The following DRC8 variants were observed in gnomAD, a reference collection of about 807,000 sequenced individuals.
DRC8 encodes dynein regulatory complex protein 8.
At chr1:244,976,210 A>G in the DRC8 span, among the ~76,000 whole-genome samples, 29 of 152,312 alleles carry the variant, frequency 1.9e-4, no homozygotes, top group South Asian at 6.2e-4. Flanking sequence ...TGGAGGTTGC[A>G]GTGAGCCTAG....
the DRC8 span, among the ~76,000 whole-genome samples, chr1:245,042,290 T>C: frequency 6.6e-6 from 1 of 152,230 alleles, no homozygotes; most frequent in Non-Finnish European, 1.5e-5. Flanking sequence ...CCAGAGTTTT[T>C]TAGGGGGCTA....
At chr1:245,056,947 G>A in the DRC8 span, among the ~76,000 whole-genome samples, 274 of 46,748 alleles carry the variant, frequency 5.9e-3, 3 homozygotes, top group Middle Eastern at 0.011. Context: ...AAAAAAAAAA[G>A]AAAAAGGAAA....
the DRC8 span, among the ~76,000 whole-genome samples, chr1:245,049,772 G>C: frequency 6.6e-6 from 1 of 152,168 alleles, no homozygotes; most frequent in Non-Finnish European, 1.5e-5. This position sits in a 1 kb window ranked among gnomAD's most constrained non-coding sequence, Gnocchi z 4.5. Flanking sequence ...TTAAGTCCAA[G>C]TGCTTGACTG....
At chr1:245,111,863 C>G in the DRC8 span, among the ~76,000 whole-genome samples, 1 of 152,002 alleles carries the variant, frequency 6.6e-6, no homozygotes, top group Admixed American at 6.6e-5. Flanking sequence ...TAGTGAGACT[C>G]CGTGTCTATA....
the DRC8 span, among the ~76,000 whole-genome samples, chr1:244,995,696 T>G: frequency 6.6e-6 from 1 of 152,198 alleles, no homozygotes; most frequent in East Asian, 1.9e-4. Context: ...AGGAAGCACC[T>G]TCAGTGCTTT....
At chr1:244,991,907 T>C in the DRC8 span, among the ~76,000 whole-genome samples, 1 of 152,232 alleles carries the variant, frequency 6.6e-6, no homozygotes, top group Admixed American at 6.5e-5. Context: ...TACAATTGAC[T>C]GTCTGGACTG....
chr1:245,050,648 A>G, the DRC8 span, among the ~76,000 whole-genome samples: 1 of 152,216 alleles, frequency 6.6e-6, no homozygotes, highest in Admixed American at 6.5e-5. Flanking sequence ...CCTGGCACAC[A>G]GTAAGTGCTG....
chr1:245,069,763 T>C, the DRC8 span, among the ~76,000 whole-genome samples: 1 of 152,174 alleles, frequency 6.6e-6, no homozygotes, highest in Non-Finnish European at 1.5e-5. Flanking sequence ...GAAGATGGGC[T>C]GGGCATGGGG....
At chr1:244,995,903 C>T in the DRC8 span, among the ~76,000 whole-genome samples, 1 of 152,232 alleles carries the variant, frequency 6.6e-6, no homozygotes, top group South Asian at 2.1e-4. Flanking sequence ...TGCAAAGCCT[C>T]TCCCACATTT....
chr1:245,004,267 ATATTT>A, the DRC8 span, among the ~76,000 whole-genome samples: 1 of 151,990 alleles, frequency 6.6e-6, no homozygotes, highest in African/African-American at 2.4e-5. Flanking sequence ...TCACTCTTAA[ATATTT>A]TTTAGAATAG....
At chr1:245,103,448 A>G in the DRC8 span, among the ~76,000 whole-genome samples, 3 of 716 alleles carry the variant, frequency 4.2e-3, no homozygotes, top group Admixed American at 0.017. Flanking sequence ...GTGGTCCTCT[A>G]TGGTCAGGAG....
At chr1:245,017,720 A>G in the DRC8 span, among the ~76,000 whole-genome samples, 1 of 152,192 alleles carries the variant, frequency 6.6e-6, no homozygotes, top group Non-Finnish European at 1.5e-5. Context: ...TATTGCAAGG[A>G]AACAGTAATG....
the DRC8 span, among the ~76,000 whole-genome samples, chr1:245,051,869 G>A: frequency 5.3e-5 from 8 of 152,028 alleles, no homozygotes; most frequent in Non-Finnish European, 1.0e-4. Context: ...CTTTGAGGAG[G>A]AGCACTTTTT....
the DRC8 span, among the ~76,000 whole-genome samples, chr1:245,093,932 A>G: frequency 1.3e-5 from 2 of 152,194 alleles, no homozygotes; most frequent in Non-Finnish European, 2.9e-5. Context: ...AGAGGCTTCT[A>G]AGCATTTATC....
chr1:244,970,242 G>A, the DRC8 span: 1 of 700,540 alleles, frequency 1.4e-6, no homozygotes. Flanking sequence ...GCGAAACGGG[G>A]ACAGGGCGCG....
At chr1:244,992,736 T>C in the DRC8 span, among the ~76,000 whole-genome samples, 330 of 152,188 alleles carry the variant, frequency 2.2e-3, 1 homozygote, top group Non-Finnish European at 3.8e-3. Flanking sequence ...TGAGACTGTG[T>C]CTCAAAAAAA....
the DRC8 span, among the ~76,000 whole-genome samples, chr1:245,029,254 G>A: frequency 6.6e-6 from 1 of 152,218 alleles, no homozygotes; most frequent in Admixed American, 6.5e-5. Context: ...GGCCATTTCT[G>A]TATCTTTGGA....
chr1:245,074,051 G>A, the DRC8 span, among the ~76,000 whole-genome samples: 2 of 152,254 alleles, frequency 1.3e-5, no homozygotes, highest in South Asian at 2.1e-4. Flanking sequence ...TTAAATTAAC[G>A]TCGTTACATA....
the DRC8 span, among the ~76,000 whole-genome samples, chr1:245,001,056 G>T: frequency 6.6e-6 from 1 of 152,080 alleles, no homozygotes; most frequent in Non-Finnish European, 1.5e-5. Context: ...GGTGGAGATG[G>T]TTTGAACAGT....
Sources: gnomAD v4.1 joint callset for allele counts (sites outside exome capture counted in the v4.1 genomes callset) on GRCh38, gnomAD v4.1.1 for gene constraint, Gnocchi (gnomAD v3.1) non-coding constraint, MANE v1.5 for transcripts, NCBI Gene and HGNC (gene_info 2026-07-23, HGNC 2026-07-21) for gene names.